Variants in C3orf38 observed in about 807,000 individuals in gnomAD.
The protein encoded by C3orf38 is chromosome 3 open reading frame 38, also known as uncharacterized protein C3orf38.
In C3orf38, 18 loss-of-function variants were observed where a neutral mutation model predicts 28.3. The observed-to-expected ratio is 0.64, with a 90% confidence interval of 0.44 to 0.94. The LOEUF (loss-of-function observed/expected upper bound fraction) is 0.94. C3orf38 is among the 40% of genes least tolerant of loss of function. The pLI is 0.00. For missense variants in C3orf38, 364 were observed against 396.4 expected (o/e 0.92, Z 0.69); for synonymous variants, 145 against 138.1 (o/e 1.05, Z -0.35).
At chr3:88,155,992 T>C (rs1157171162) in intron 2 of C3orf38, 29 bp from the exon 3 acceptor site, 1 of 1,491,040 alleles carries the variant, frequency 6.7e-7, no homozygotes, top group Non-Finnish European at 9.0e-7. Context: ...TTAGTGTTAT[T>C]TTGTATTTAT....
At position 88,153,331 on chromosome 3, in the gene C3orf38, G is replaced by A; in HGVS notation, c.235G>A (p.Gly79Arg). ...TATATTTAAGTACTTGGCAACACAG[G>A]GGATTGTTATACCTCCAGCTACTGA... is the stretch of plus-strand genomic sequence containing the variant. Reference protein sequence around the residue: ...EVIFKYLATQGIVIPPATEKH... With the variant: ...EVIFKYLATQRIVIPPATEKH... Residue 79 changes from glycine (G) to arginine (R), a missense_variant, in exon 2 of 3, where the codon GGG becomes AGG. By Grantham distance (125) the Gly-to-Arg change is moderately radical. Coordinates refer to ENST00000318887, the MANE Select transcript of C3orf38 (RefSeq NM_173824.4). 1.2e-6 allele frequency: 2 copies of A among 1,613,474 alleles called. No homozygotes were observed. Among genetic ancestry groups the A allele is most frequent in the East Asian group, 2.2e-5 (1 of 44,844 alleles).
chr3:88,152,002 G>C (rs1707420401), intron 1 of C3orf38, among the ~76,000 whole-genome samples: 1 of 152,182 alleles, frequency 6.6e-6, no homozygotes, highest in African/African-American at 2.4e-5. Flanking sequence ...AGACGAAATG[G>C]GGGCCTCAAA....
At position 88,157,008 on chromosome 3, in the gene C3orf38, GATTA is replaced by G. The variant is rs1437929107; in HGVS notation, c.*376_*379del. 5.9e-6 allele frequency: 1 copy of G among 169,722 alleles called. No individual in the cohort carries two copies. Among genetic ancestry groups the G allele is most frequent in the Non-Finnish European group, 1.3e-5 (1 of 79,276 alleles). The allele number at this position is 169,722 out of a possible 1,614,324, so 10.5% of individuals were successfully genotyped here. A position where few individuals can be genotyped will look rare whatever the true frequency, so the allele number is the denominator to read the frequency against. On this transcript the variant is annotated 3_prime_UTR_variant, in exon 3 of 3. Transcript: ENST00000318887. ...TATCTGCACTTTTCATGTGGGAAAG[GATTA>G]ATAATGGTCCAGGCTTCCCCTCTTT...
At position 88,156,384 on chromosome 3, in the gene C3orf38, T is replaced by C. The variant is rs1707480084; in HGVS notation, c.739T>C (p.Leu247=). 6.2e-7 allele frequency: 1 copy of C among 1,614,230 alleles called. No homozygotes were observed. Among genetic ancestry groups the C allele is most frequent in the Non-Finnish European group, 8.5e-7 (1 of 1,180,046 alleles). ...GACTGTCCATCGAGGAAACACTTGT[T>C]TGGGCATTTTTGAACAAATTTTTGG... is the stretch of plus-strand genomic sequence containing the variant. ...AGTVHRGNTC[L]GIFEQIFGLI... The change falls in exon 3 of 3, where the codon TTG becomes CTG. Residue 247 remains leucine (L), a synonymous_variant. Coordinates refer to ENST00000318887, the MANE Select transcript of C3orf38 (RefSeq NM_173824.4).
chr3:88,151,136 C>T (rs1334812746), intron 1 of C3orf38: 4 of 151,382 alleles, frequency 2.6e-5, no homozygotes, highest in Non-Finnish European at 4.4e-5. Context: ...TATCTAAAAG[C>T]AAATAAGAAA....
At chr3:88,152,528 C>G (rs1211056143) in intron 1 of C3orf38, among the ~76,000 whole-genome samples, 1 of 151,632 alleles carries the variant, frequency 6.6e-6, no homozygotes, top group African/African-American at 2.4e-5. Context: ...TTTGGGAGGC[C>G]GAGGCGGGCG....
chr3:88,155,709 C>T (rs1707470757), intron 2 of C3orf38, among the ~76,000 whole-genome samples: 1 of 151,918 alleles, frequency 6.6e-6, no homozygotes, highest in Non-Finnish European at 1.5e-5. Context: ...CGCCTGCCTC[C>T]TCCTCCCAAA....
Position 88,153,342 on chromosome 3 carries a change from A to G in C3orf38, c.246A>G (p.Ile82Met). The G allele has an allele frequency of 6.2e-7, 1 of 1,614,070 alleles. No individual in the cohort carries two copies. Among genetic ancestry groups the G allele is most frequent in the Non-Finnish European group, 8.5e-7 (1 of 1,180,022 alleles). Residue 82 changes from isoleucine (I) to methionine (M), a missense_variant, in exon 2 of 3, where the codon ATA becomes ATG. Transcript: ENST00000318887. ...FKYLATQGIVIPPATEKHNLI... is the reference protein window; with the variant it reads ...FKYLATQGIVMPPATEKHNLI... Reference sequence around the variant, plus strand: ...ACTTGGCAACACAGGGGATTGTTATACCTCCAGCTACTGAAAAACACAATC... The same window carrying G: ...ACTTGGCAACACAGGGGATTGTTATGCCTCCAGCTACTGAAAAACACAATC...
chr3:88,155,994 T>A (rs1439633619), intron 2 of C3orf38, 27 bp from the exon 3 acceptor site: 1 of 1,494,396 alleles, frequency 6.7e-7, no homozygotes, highest in Non-Finnish European at 9.0e-7. Flanking sequence ...AGTGTTATTT[T>A]GTATTTATTT....
intron 1 of C3orf38, among the ~76,000 whole-genome samples, chr3:88,152,727 C>G (rs1707431569): frequency 6.8e-6 from 1 of 147,842 alleles, no homozygotes; most frequent in East Asian, 2.0e-4. Context: ...TGTGCTCCAG[C>G]CTGGGCGACA....
chr3:88,151,425 T>A (rs1008218735), intron 1 of C3orf38, among the ~76,000 whole-genome samples: 1 of 152,170 alleles, frequency 6.6e-6, no homozygotes, highest in Non-Finnish European at 1.5e-5. Flanking sequence ...AAAACAAATT[T>A]GACATCTCCT....
In C3orf38 at chr3:88,156,686, C is replaced by G; in HGVS notation, c.*51C>G. On this transcript the variant is annotated 3_prime_UTR_variant, in exon 3 of 3. Coordinates refer to ENST00000318887, the MANE Select transcript of C3orf38 (RefSeq NM_173824.4). ...ACAAAAGAGAACTGGGTTTACCTGA[C>G]CCTCTAAAGCGCTAAGTACTGTCAG... 1.3e-6 allele frequency: 2 copies of G among 1,553,164 alleles called. No homozygotes were observed. The highest frequency in any genetic ancestry group is 2.8e-5 in the African/African-American group (2 of 72,690).
rs749004556 is a variant in C3orf38, at chr3:88,150,636, G to A, written c.133+451G>A. ...GCACCTTGAATCCATGTCTCCTTTT[G>A]GAGGCAAAATTTTTCTGAGATGATT... On this transcript the variant is annotated intron_variant, in intron 1 of 2. Transcript: ENST00000318887. The A allele has an allele frequency of 4.5e-4, 70 of 155,902 alleles. 1 individual carries two copies. Among genetic ancestry groups the A allele is most frequent in the Non-Finnish European group, 2.1e-4 (15 of 70,382 alleles). 9.7% of individuals were successfully genotyped at this position (155,902 alleles called of 1,614,324 possible).
rs1414344317 is a variant in C3orf38 at position 88,157,501 on chromosome 3, T to G, written c.*866T>G. On this transcript the variant is annotated 3_prime_UTR_variant, in exon 3 of 3. Coordinates refer to ENST00000318887, the MANE Select transcript of C3orf38 (RefSeq NM_173824.4). ...TTACCGTTCTTCCTCTTGGCTGATCTTGGCAGAGATGACAAAAAAAACCCC... is the reference window on the plus strand; with the variant it reads ...TTACCGTTCTTCCTCTTGGCTGATCGTGGCAGAGATGACAAAAAAAACCCC... 1 of 152,186 alleles carries G rather than the reference T, an allele frequency of 6.6e-6. No individual in the cohort carries two copies. Among genetic ancestry groups the G allele is most frequent in the African/African-American group, 2.4e-5 (1 of 41,430 alleles). 9.4% of individuals were successfully genotyped at this position (152,186 alleles called of 1,614,324 possible).
At chr3:88,155,140 A>G (rs1178145889) in intron 2 of C3orf38, among the ~76,000 whole-genome samples, 9 of 152,118 alleles carry the variant, frequency 5.9e-5, no homozygotes, top group Non-Finnish European at 1.0e-4. Flanking sequence ...GATTACAGGC[A>G]TGAACCACCA....
chr3:88,150,078 C>T lies in C3orf38; in HGVS notation c.26C>T (p.Ser9Leu), dbSNP rs1299163378. The change falls in exon 1 of 3, where the codon TCA (serine) becomes TTA (leucine). Residue 9 changes from serine to leucine, a missense_variant. Ser to Leu is a moderately radical substitution (Grantham distance 145). Transcript: ENST00000318887. MEMSGLSF[S>L]EMEGCRNLLG... The stretch of plus-strand genomic sequence containing the variant: ...ATGGAGATGTCGGGACTCAGCTTTT[C>T]AGAGATGGAGGGCTGCCGTAACCTA... The T allele has an allele frequency of 6.2e-7, 1 of 1,614,142 alleles. No homozygotes were observed. Among genetic ancestry groups the T allele is most frequent in the Non-Finnish European group, 8.5e-7 (1 of 1,180,020 alleles).
At chr3:88,150,958 C>T (rs1308788542) in intron 1 of C3orf38, 2 of 152,104 alleles carry the variant, frequency 1.3e-5, no homozygotes, top group Non-Finnish European at 2.9e-5. Flanking sequence ...ATTTGTCACT[C>T]CGAACCATGG....
Position 88,150,019 on chromosome 3 carries a change from T to G in C3orf38, c.-34T>G. On this transcript the variant is annotated 5_prime_UTR_variant, in exon 1 of 3. Coordinates refer to ENST00000318887, the MANE Select transcript of C3orf38 (RefSeq NM_173824.4). The stretch of plus-strand genomic sequence containing the variant: ...GGCCCAGTGGGCCGTAGGGGCGACA[T>G]TGTTGCCGTTGTCTTTCCCCCCCAG... 1 of 1,583,610 alleles carries G rather than the reference T, an allele frequency of 6.3e-7. No homozygotes were observed. Among genetic ancestry groups the G allele is most frequent in the Non-Finnish European group, 8.6e-7 (1 of 1,167,088 alleles).
chr3:88,150,052 G>A lies in C3orf38; in HGVS notation c.-1G>A, dbSNP rs898248459. On this transcript the variant is annotated 5_prime_UTR_variant, in exon 1 of 3. Transcript: ENST00000318887. ...GTTGTCTTTCCCCCCCAGTCCCGGG[G>A]ATGGAGATGTCGGGACTCAGCTTTT... is the stretch of plus-strand genomic sequence containing the variant. 1.9e-6 allele frequency: 3 copies of A among 1,614,208 alleles called. No individual in the cohort carries two copies. Among genetic ancestry groups the A allele is most frequent in the Non-Finnish European group, 1.7e-6 (2 of 1,180,026 alleles).
Sources: gnomAD v4.1 joint callset for allele counts (sites outside exome capture counted in the v4.1 genomes callset) on GRCh38, gnomAD v4.1.1 for gene constraint, MANE v1.5 for transcripts, NCBI Gene and HGNC (gene_info 2026-07-23, HGNC 2026-07-21) for gene names.